Variants in AFG1L observed in about 807,000 individuals in gnomAD.
AFG1L encodes AFG1-like ATPase.
Under a neutral mutation model 62.2 loss-of-function variants are expected in AFG1L, and 53 were observed. That is an observed-to-expected ratio of 0.85 (90% CI 0.68 to 1.07). The LOEUF (loss-of-function observed/expected upper bound fraction) is 1.07. Ranked by LOEUF, AFG1L falls within the 50% of genes least tolerant of loss-of-function variation. The pLI is 0.00. For missense variants in AFG1L, 555 were observed against 590.5 expected (o/e 0.94, Z 0.62); for synonymous variants, 228 against 210.3 (o/e 1.08, Z -0.73).
chr6:108,402,743 A>C (rs1219005488), intron 7 of AFG1L, among the ~76,000 whole-genome samples: 17 of 152,124 alleles, frequency 1.1e-4, no homozygotes, highest in Admixed American at 9.8e-4. Context: ...AAAAATGTTT[A>C]ATGTTCCCTG....
intron 10 of AFG1L, among the ~76,000 whole-genome samples, chr6:108,509,781 G>C (rs988343992): frequency 2.0e-5 from 3 of 152,054 alleles, no homozygotes; most frequent in East Asian, 1.9e-4. Flanking sequence ...TCCCCAAAAG[G>C]GAGAGAGGGG....
chr6:108,414,664 C>T (rs1782278411), intron 7 of AFG1L, among the ~76,000 whole-genome samples: 1 of 152,124 alleles, frequency 6.6e-6, no homozygotes, highest in Non-Finnish European at 1.5e-5. Flanking sequence ...GAACCAAAGA[C>T]AAAAACCACA....
intron 11 of AFG1L, among the ~76,000 whole-genome samples, chr6:108,511,336 G>A (rs897364018): frequency 6.6e-6 from 1 of 152,208 alleles, no homozygotes; most frequent in African/African-American, 2.4e-5. Context: ...TTTTTAATCC[G>A]CATGTTTTAG....
At chr6:108,401,604 T>G (rs1781619479) in intron 6 of AFG1L, among the ~76,000 whole-genome samples, 1 of 152,118 alleles carries the variant, frequency 6.6e-6, no homozygotes, top group African/African-American at 2.4e-5. Flanking sequence ...GAATTTTCAT[T>G]ATAGATTGAG....
intron 1 of AFG1L, chr6:108,318,286 CTG>C (rs1246402041): frequency 3.4e-6 from 1 of 296,912 alleles, no homozygotes; most frequent in Non-Finnish European, 5.9e-6. Context: ...ACAAAGAAGA[CTG>C]TGCTGAGCTT....
At chr6:108,333,121 G>A (rs1304369242) in intron 2 of AFG1L, among the ~76,000 whole-genome samples, 4 of 152,150 alleles carry the variant, frequency 2.6e-5, no homozygotes, top group African/African-American at 7.2e-5. Flanking sequence ...AAAAATAATT[G>A]ACTACTGGCT....
intron 7 of AFG1L, among the ~76,000 whole-genome samples, chr6:108,429,513 A>G (rs1373559349): frequency 6.6e-6 from 1 of 152,168 alleles, no homozygotes; most frequent in African/African-American, 2.4e-5. Flanking sequence ...GGGAGCTACA[A>G]TTCAAGATGA....
intron 8 of AFG1L, among the ~76,000 whole-genome samples, chr6:108,463,108 G>T (rs1190846772): frequency 6.6e-6 from 1 of 151,962 alleles, no homozygotes; most frequent in Non-Finnish European, 1.5e-5. Flanking sequence ...GGCCAACATG[G>T]TGAAACCCCA....
intron 7 of AFG1L, among the ~76,000 whole-genome samples, chr6:108,433,899 A>G (rs1039827064): frequency 2.0e-5 from 3 of 152,166 alleles, no homozygotes; most frequent in Non-Finnish European, 2.9e-5. Flanking sequence ...GGCCACATAC[A>G]TTAACTTTAA....
chr6:108,446,910 A>G (rs1771829792), intron 7 of AFG1L, among the ~76,000 whole-genome samples: 1 of 152,040 alleles, frequency 6.6e-6, no homozygotes, highest in African/African-American at 2.4e-5. Context: ...AAATTGGGCT[A>G]TTTTAAAAAA....
chr6:108,481,635 A>G (rs1255224180), intron 10 of AFG1L, among the ~76,000 whole-genome samples: 1 of 152,244 alleles, frequency 6.6e-6, no homozygotes, highest in Non-Finnish European at 1.5e-5. Flanking sequence ...TCATTTAAGA[A>G]TATCCTTAAA....
intron 8 of AFG1L, among the ~76,000 whole-genome samples, chr6:108,459,602 C>A (rs986612146): frequency 1.3e-5 from 2 of 152,062 alleles, no homozygotes; most frequent in Non-Finnish European, 2.9e-5. Flanking sequence ...TTTTTTCCTG[C>A]CTGTTTTAAA....
intron 10 of AFG1L, among the ~76,000 whole-genome samples, chr6:108,492,173 G>GGTTC (rs1295950127): frequency 2.6e-5 from 4 of 152,136 alleles, no homozygotes; most frequent in Admixed American, 1.3e-4. Flanking sequence ...AGTTAACACT[G>GGTTC]GTTCACCTTT....
intron 1 of AFG1L, among the ~76,000 whole-genome samples, chr6:108,299,451 A>G (rs1440181728): frequency 6.6e-6 from 1 of 152,198 alleles, no homozygotes; most frequent in African/African-American, 2.4e-5. Context: ...GAAACAAAAC[A>G]AAAATGAAAC....
At chr6:108,514,832 G>A (rs569498691) in intron 11 of AFG1L, among the ~76,000 whole-genome samples, 1 of 152,162 alleles carries the variant, frequency 6.6e-6, no homozygotes, top group African/African-American at 2.4e-5. Context: ...AACAAAAAAA[G>A]GCAGGGGTTG....
chr6:108,307,558 G>A (rs1777252619), intron 1 of AFG1L, among the ~76,000 whole-genome samples: 1 of 151,634 alleles, frequency 6.6e-6, no homozygotes, highest in Non-Finnish European at 1.5e-5. Context: ...CTACAGGCGA[G>A]CACCACCACG....
intron 6 of AFG1L, among the ~76,000 whole-genome samples, chr6:108,400,358 C>T (rs1009262788): frequency 1.3e-4 from 19 of 151,078 alleles, no homozygotes; most frequent in East Asian, 3.9e-4. Context: ...TGTTGAGGTC[C>T]GTTATTTCTA....
At chr6:108,459,241 T>C (rs1772365278) in intron 8 of AFG1L, among the ~76,000 whole-genome samples, 1 of 152,206 alleles carries the variant, frequency 6.6e-6, no homozygotes, top group Non-Finnish European at 1.5e-5. Context: ...TATCTTTTTT[T>C]CCAGTATTAT....
In AFG1L at chr6:108,320,025, A is replaced by G. The variant is rs925166121; in HGVS notation, c.140-3800A>G. Among the ~76,000 whole-genome samples, 8 of 152,098 alleles carry G rather than the reference A, an allele frequency of 5.3e-5. No homozygotes were observed. The East Asian group carries it at 9.6e-4, about 18-fold the overall frequency. ...TTCTCTTTAATAAATTGAGGATTCT[A>G]TGGAAGATTTTGTATGTAAAAAAGG... On this transcript the variant is annotated intron_variant, in intron 1 of 12. Coordinates refer to ENST00000368977, the MANE Select transcript of AFG1L (RefSeq NM_145315.5).
Sources: gnomAD v4.1 joint callset for allele counts (sites outside exome capture counted in the v4.1 genomes callset) on GRCh38, gnomAD v4.1.1 for gene constraint, MANE v1.5 for transcripts, NCBI Gene and HGNC (gene_info 2026-07-23, HGNC 2026-07-21) for gene names.